The following QTMAN variants were observed in gnomAD, a reference collection of about 807,000 sequenced individuals.
The protein encoded by QTMAN is queuosine-tRNA mannosyltransferase.
At chr2:144,194,971 A>AT in the QTMAN span, among the ~76,000 whole-genome samples, 1 of 152,160 alleles carries the variant, frequency 6.6e-6, no homozygotes, top group East Asian at 1.9e-4. Context: ...AATATTTCAG[A>AT]TTTTTCTACC....
the QTMAN span, among the ~76,000 whole-genome samples, chr2:144,100,859 CTTTTTTTTTTTTTT>C: frequency 1.3e-4 from 10 of 77,920 alleles, no homozygotes; most frequent in African/African-American, 1.7e-4. Context: ...GTCTTTCTTT[CTTTTTTTTTTTTTT>C]TTTTTTTTTT....
chr2:144,087,536 G>A, the QTMAN span, among the ~76,000 whole-genome samples: 3 of 151,912 alleles, frequency 2.0e-5, no homozygotes, highest in Admixed American at 2.0e-4. Context: ...CAATATCCCT[G>A]ATGAACACAG....
chr2:144,202,077 C>G, the QTMAN span, among the ~76,000 whole-genome samples: 1 of 152,130 alleles, frequency 6.6e-6, no homozygotes, highest in Non-Finnish European at 1.5e-5. Flanking sequence ...TGTGAACAAA[C>G]ACCAGGGCCT....
chr2:144,188,548 T>TGGAC, the QTMAN span, among the ~76,000 whole-genome samples: 9 of 145,492 alleles, frequency 6.2e-5, no homozygotes, highest in African/African-American at 2.3e-4. Flanking sequence ...GATGGATGGA[T>TGGAC]GGACTGATGG....
chr2:144,150,013 T>C, the QTMAN span, among the ~76,000 whole-genome samples: 6 of 151,970 alleles, frequency 3.9e-5, no homozygotes, highest in African/African-American at 1.4e-4. Flanking sequence ...CCACTGCCCA[T>C]ACATTTTAGT....
At chr2:144,329,920 A>AT in the QTMAN span, among the ~76,000 whole-genome samples, 1 of 152,222 alleles carries the variant, frequency 6.6e-6, no homozygotes, top group Non-Finnish European at 1.5e-5. Context: ...GATGAGTAGG[A>AT]CATAGCCGAA....
the QTMAN span, among the ~76,000 whole-genome samples, chr2:143,960,012 G>T: frequency 6.6e-6 from 1 of 152,026 alleles, no homozygotes; most frequent in African/African-American, 2.4e-5. Flanking sequence ...GTCAAATGTA[G>T]TAAGAATATG....
chr2:144,146,109 G>A, the QTMAN span, among the ~76,000 whole-genome samples: 1 of 148,050 alleles, frequency 6.8e-6, no homozygotes, highest in Admixed American at 6.9e-5. Context: ...TACTTTGCTT[G>A]CCAGTTTCAT....
chr2:144,144,078 A>G, the QTMAN span, among the ~76,000 whole-genome samples: 3 of 151,930 alleles, frequency 2.0e-5, no homozygotes, highest in African/African-American at 4.8e-5. Context: ...AAGCTTGTCT[A>G]TAAGTTTACC....
chr2:144,225,639 T>C, the QTMAN span, among the ~76,000 whole-genome samples: 1 of 152,206 alleles, frequency 6.6e-6, no homozygotes, highest in African/African-American at 2.4e-5. Context: ...TTCTCCTCTC[T>C]GAAACCTTTT....
chr2:144,081,556 C>T, the QTMAN span, among the ~76,000 whole-genome samples: 4 of 152,002 alleles, frequency 2.6e-5, no homozygotes, highest in East Asian at 7.7e-4. Context: ...AGGGCTTGTA[C>T]ACTATGGAAA....
At chr2:144,310,628 A>G in the QTMAN span, among the ~76,000 whole-genome samples, 325 of 152,340 alleles carry the variant, frequency 2.1e-3, 4 homozygotes, top group African/African-American at 7.3e-3. Flanking sequence ...GTGAAAGGTG[A>G]TAAGATTCAA....
chr2:143,991,894 C>T, the QTMAN span, among the ~76,000 whole-genome samples: 15 of 148,912 alleles, frequency 1.0e-4, no homozygotes, highest in East Asian at 2.3e-3. Context: ...CCAGCCACCC[C>T]GTCCGGGAGG....
At chr2:144,221,104 A>G in the QTMAN span, among the ~76,000 whole-genome samples, 1 of 152,188 alleles carries the variant, frequency 6.6e-6, no homozygotes, top group Non-Finnish European at 1.5e-5. Flanking sequence ...TTTGTGAATT[A>G]AAAAAGGACT....
At chr2:143,940,039 A>G in the QTMAN span, 1 of 151,984 alleles carries the variant, frequency 6.6e-6, no homozygotes, top group Non-Finnish European at 1.5e-5. Context: ...TCCACTATTA[A>G]CGTTTTGTAC....
chr2:144,047,228 A>G, the QTMAN span, among the ~76,000 whole-genome samples: 3 of 152,244 alleles, frequency 2.0e-5, no homozygotes, highest in African/African-American at 4.8e-5. Context: ...CTGAGATTGC[A>G]CCACTGTCCT....
chr2:144,193,506 G>A, the QTMAN span, among the ~76,000 whole-genome samples: 13 of 128,836 alleles, frequency 1.0e-4, no homozygotes, highest in East Asian at 4.0e-4. Context: ...TATATATTAC[G>A]TGTGTGTGTG....
At chr2:144,154,036 C>T in the QTMAN span, among the ~76,000 whole-genome samples, 19 of 152,182 alleles carry the variant, frequency 1.2e-4, no homozygotes, top group African/African-American at 3.6e-4. Flanking sequence ...TTACTCCACA[C>T]TGATTTTGAA....
chr2:143,990,920 C>T, the QTMAN span, among the ~76,000 whole-genome samples: 1,151 of 151,092 alleles, frequency 7.6e-3, 19 homozygotes, highest in African/African-American at 0.026. Flanking sequence ...TAAAAGTGAC[C>T]GAAAAGTTCT....
Sources: gnomAD v4.1 joint callset for allele counts (sites outside exome capture counted in the v4.1 genomes callset) on GRCh38, gnomAD v4.1.1 for gene constraint, MANE v1.5 for transcripts, NCBI Gene and HGNC (gene_info 2026-07-23, HGNC 2026-07-21) for gene names.